Variants in LRMDA observed in about 807,000 individuals in gnomAD.
LRMDA encodes leucine-rich melanocyte differentiation-associated protein.
In LRMDA, 18 loss-of-function variants were observed where a neutral mutation model predicts 29.8. That is an observed-to-expected ratio of 0.60 (90% CI 0.42 to 0.90). The LOEUF (loss-of-function observed/expected upper bound fraction) is 0.90. Among genes scored for constraint, LRMDA ranks in the 40% least tolerant of loss-of-function variants. The pLI is 0.00. For synonymous variants in LRMDA, 125 were observed against 109.4 expected, an observed-to-expected ratio of 1.14 and a Z score of -0.89; for missense variants, 273 against 273.9, an observed-to-expected ratio of 1.00 and a Z score of 0.02.
At chr10:76,341,995 G>A (rs1456651534) in intron 6 of LRMDA, among the ~76,000 whole-genome samples, 1 of 152,134 alleles carries the variant, frequency 6.6e-6, no homozygotes, top group Non-Finnish European at 1.5e-5. Flanking sequence ...GCCTGTTCAT[G>A]GGGAGTGGCA....
At chr10:75,624,137 G>T (rs1841221613) in intron 2 of LRMDA, among the ~76,000 whole-genome samples, 1 of 152,138 alleles carries the variant, frequency 6.6e-6, no homozygotes. Flanking sequence ...TCCTTCATGT[G>T]CACATGAAAC....
intron 2 of LRMDA, among the ~76,000 whole-genome samples, chr10:75,942,551 G>A (rs1217084317): frequency 6.6e-6 from 1 of 152,164 alleles, no homozygotes; most frequent in East Asian, 1.9e-4. Context: ...CACCTGACCA[G>A]TAATTAACCA....
chr10:75,516,454 G>T (rs1317127093), intron 2 of LRMDA, among the ~76,000 whole-genome samples: 4 of 152,216 alleles, frequency 2.6e-5, no homozygotes, highest in Admixed American at 6.5e-5. Context: ...CTGATGACTA[G>T]TGATGATGAG....
intron 5 of LRMDA, among the ~76,000 whole-genome samples, chr10:76,217,258 T>C (rs761889056): frequency 3.9e-4 from 60 of 152,330 alleles, no homozygotes; most frequent in Non-Finnish European, 6.6e-4. Context: ...TATAGTGACA[T>C]GATTGAAGAG....
At chr10:75,904,769 G>A (rs542537829) in intron 2 of LRMDA, among the ~76,000 whole-genome samples, 4 of 152,150 alleles carry the variant, frequency 2.6e-5, no homozygotes, top group African/African-American at 9.7e-5. Flanking sequence ...TAATTATGAC[G>A]AGAAAGCTAT....
At chr10:75,632,065 C>A (rs931157277) in intron 2 of LRMDA, among the ~76,000 whole-genome samples, 5 of 152,190 alleles carry the variant, frequency 3.3e-5, no homozygotes, top group Non-Finnish European at 1.5e-5. Context: ...GTGCTTCTGG[C>A]AACCTTTATA....
intron 5 of LRMDA, among the ~76,000 whole-genome samples, chr10:76,301,067 C>T (rs996164624): frequency 2.0e-5 from 3 of 151,808 alleles, no homozygotes; most frequent in Non-Finnish European, 4.4e-5. Context: ...TGTTTTTTTT[C>T]CTTCTGGTTA....
Position 76,047,202 on chromosome 10 carries a change from A to G in LRMDA, c.297A>G (p.Glu99=), listed in dbSNP as rs1203149846. 6.2e-7 allele frequency: 1 copy of G among 1,614,110 alleles called. No individual in the cohort carries two copies. Among genetic ancestry groups the G allele is most frequent in the East Asian group, 2.2e-5 (1 of 44,882 alleles). ...AGAACCTGCTGGATCACTTGGCAGA[A>G]GTGACACCAGCTCTGGAGTACCTCA... ...DLENLLDHLA[E]VTPALEYLSL... Residue 99 remains glutamate (E), a synonymous_variant, in exon 4 of 7, where the codon GAA becomes GAG. Coordinates refer to ENST00000611255, the MANE Select transcript of LRMDA (RefSeq NM_001305581.2).
At chr10:76,049,610 C>G (rs1848496866) in intron 4 of LRMDA, among the ~76,000 whole-genome samples, 1 of 152,160 alleles carries the variant, frequency 6.6e-6, no homozygotes, top group South Asian at 2.1e-4. Flanking sequence ...TAGTTCCATT[C>G]TATGGTCTGT....
intron 2 of LRMDA, among the ~76,000 whole-genome samples, chr10:75,696,394 G>T (rs1229178956): frequency 1.3e-5 from 2 of 152,212 alleles, no homozygotes; most frequent in East Asian, 3.9e-4. Flanking sequence ...AATTAAATGT[G>T]CCACAGCTCG....
At chr10:75,704,778 C>T (rs746190882) in intron 2 of LRMDA, among the ~76,000 whole-genome samples, 13 of 152,162 alleles carry the variant, frequency 8.5e-5, no homozygotes, top group African/African-American at 1.4e-4. Context: ...TCAGCCCTGC[C>T]GTGAATTGTG....
chr10:76,394,137 A>C (rs1349321293), intron 6 of LRMDA, among the ~76,000 whole-genome samples: 1 of 152,230 alleles, frequency 6.6e-6, no homozygotes, highest in African/African-American at 2.4e-5. Flanking sequence ...ATGTGATGCA[A>C]CAACAAGGGA....
chr10:75,936,386 G>A (rs916245658), intron 2 of LRMDA, among the ~76,000 whole-genome samples: 1 of 152,126 alleles, frequency 6.6e-6, no homozygotes, highest in African/African-American at 2.4e-5. Flanking sequence ...GAGGGAAAAG[G>A]TTTCTGACAT....
At chr10:76,454,463 G>A (rs928223071) in intron 6 of LRMDA, among the ~76,000 whole-genome samples, 1 of 151,940 alleles carries the variant, frequency 6.6e-6, no homozygotes, top group Non-Finnish European at 1.5e-5. Context: ...ATCCTAAAAC[G>A]AGCAAAACAA....
chr10:76,295,703 C>T (rs752693175), intron 5 of LRMDA, among the ~76,000 whole-genome samples: 1 of 152,140 alleles, frequency 6.6e-6, no homozygotes, highest in Admixed American at 6.6e-5. Context: ...CCTTTCACTG[C>T]CCTCTAACTC....
intron 6 of LRMDA, among the ~76,000 whole-genome samples, chr10:76,493,116 T>C (rs1251516774): frequency 2.6e-5 from 4 of 151,976 alleles, no homozygotes; most frequent in Non-Finnish European, 5.9e-5. Context: ...CACAGATGGG[T>C]CCAGAGATGC....
At chr10:76,260,679 G>A (rs577537082) in intron 5 of LRMDA, 1 of 152,240 alleles carries the variant, frequency 6.6e-6, no homozygotes, top group South Asian at 2.1e-4. Context: ...CCTGTTTGGG[G>A]TGACTCTATT....
chr10:76,538,571 C>CACAT (rs1843318314), intron 6 of LRMDA, among the ~76,000 whole-genome samples: 1 of 146,902 alleles, frequency 6.8e-6, no homozygotes, highest in South Asian at 2.1e-4. Flanking sequence ...CACACACACA[C>CACAT]ACATATACAG....
intron 5 of LRMDA, among the ~76,000 whole-genome samples, chr10:76,178,426 C>T (rs1037286171): frequency 6.6e-6 from 1 of 152,174 alleles, no homozygotes; most frequent in Non-Finnish European, 1.5e-5. Context: ...CATTTTCACC[C>T]ATTAGCACTG....
Sources: allele counts gnomAD v4.1 joint callset (sites outside exome capture counted in the v4.1 genomes callset), GRCh38; gene constraint gnomAD v4.1.1; transcripts MANE v1.5; gene names NCBI Gene and HGNC (gene_info 2026-07-23, HGNC 2026-07-21).